PATJ: variants seen among roughly 807,000 people sequenced by gnomAD.
The protein encoded by PATJ is inaD-like protein.
A neutral mutation model predicts 224.9 loss-of-function variants in PATJ; 190 were observed. The ratio of observed to expected loss-of-function variants is 0.84; its 90% CI spans 0.75 to 0.95. The LOEUF (loss-of-function observed/expected upper bound fraction) is 0.95. Among genes scored for constraint, PATJ ranks in the 40% least tolerant of loss-of-function variants. The pLI, the probability that PATJ is intolerant of heterozygous loss-of-function variation, is 0.00. For synonymous variants in PATJ, 769 were observed against 820.3 expected, an observed-to-expected ratio of 0.94 and a Z score of 1.07; for missense variants, 2,121 against 2,270.3, an observed-to-expected ratio of 0.93 and a Z score of 1.34.
chr1:62,144,482 A>AG, intron 41 of PATJ, among the ~76,000 whole-genome samples: 1 of 152,264 alleles, frequency 6.6e-6, no homozygotes, highest in East Asian at 1.9e-4. Context: ...GCTGGCAGAC[A>AG]AAGTTCCCTC....
chr1:62,131,031 A>G (rs1413835680), intron 41 of PATJ, among the ~76,000 whole-genome samples: 1 of 152,192 alleles, frequency 6.6e-6, no homozygotes, highest in Non-Finnish European at 1.5e-5. Context: ...AAAATTTTAA[A>G]AGAAAGAAAA....
chr1:61,956,008 T>C (rs1680397001), intron 27 of PATJ, among the ~76,000 whole-genome samples: 1 of 152,212 alleles, frequency 6.6e-6, no homozygotes, highest in South Asian at 2.1e-4. Flanking sequence ...AAACCACATT[T>C]TAATATTGAA....
At chr1:61,745,343 A>G (rs2148129085) in intron 1 of PATJ, among the ~76,000 whole-genome samples, 1 of 149,838 alleles carries the variant, frequency 6.7e-6, no homozygotes, top group East Asian at 2.0e-4. Context: ...GGGTGATCTC[A>G]GCTCACTGCA....
intron 12 of PATJ, among the ~76,000 whole-genome samples, chr1:61,802,614 G>A (rs950316349): frequency 6.6e-6 from 1 of 151,934 alleles, no homozygotes; most frequent in Non-Finnish European, 1.5e-5. Context: ...ATAGATTATT[G>A]CTGTTTATAC....
chr1:61,939,135 A>G (rs1677366036), intron 27 of PATJ, among the ~76,000 whole-genome samples: 2 of 150,878 alleles, frequency 1.3e-5, no homozygotes, highest in South Asian at 4.2e-4. Context: ...AAAAAAAAAA[A>G]AAAAAAAAAA....
At chr1:61,990,458 T>A in intron 28 of PATJ, 94 bp downstream of exon 28, 1 of 735,018 alleles carries the variant, frequency 1.4e-6, no homozygotes, top group Non-Finnish European at 2.1e-6. Flanking sequence ...AAGAATGATG[T>A]CAAATTATAT....
At chr1:61,963,151 A>G (rs1175347875) in intron 27 of PATJ, among the ~76,000 whole-genome samples, 2 of 152,232 alleles carry the variant, frequency 1.3e-5, no homozygotes, top group African/African-American at 2.4e-5. Flanking sequence ...CTGGTAGGTT[A>G]AAGATCAGCA....
At chr1:61,915,837 C>T (rs529175182) in intron 26 of PATJ, among the ~76,000 whole-genome samples, 1 of 152,084 alleles carries the variant, frequency 6.6e-6, no homozygotes, top group Non-Finnish European at 1.5e-5. Context: ...GCTGGGATTA[C>T]AGGCATGTGC....
At chr1:61,797,977 T>C (rs1299203361) in intron 11 of PATJ, among the ~76,000 whole-genome samples, 2 of 152,066 alleles carry the variant, frequency 1.3e-5, no homozygotes, top group Non-Finnish European at 2.9e-5. Flanking sequence ...TAATTCTGTT[T>C]GTATCTTTAG....
chr1:61,773,693 A>G (rs1570403224), intron 6 of PATJ, among the ~76,000 whole-genome samples: 1 of 151,666 alleles, frequency 6.6e-6, no homozygotes, highest in Admixed American at 6.6e-5. Flanking sequence ...AGGCTGAAGC[A>G]GGAGAATTGC....
At chr1:61,785,150 G>A (rs1002821347) in intron 7 of PATJ, among the ~76,000 whole-genome samples, 1 of 152,112 alleles carries the variant, frequency 6.6e-6, no homozygotes, top group Non-Finnish European at 1.5e-5. Flanking sequence ...TTTAGCTTGC[G>A]GTGGTGCCAC....
intron 6 of PATJ, among the ~76,000 whole-genome samples, chr1:61,773,269 A>C (rs1646721196): frequency 6.6e-6 from 1 of 151,752 alleles, no homozygotes; most frequent in East Asian, 2.0e-4. Flanking sequence ...TGATCTGCCC[A>C]CCTCGGCTTC....
At chr1:62,098,072 C>T (rs1324424618) in intron 33 of PATJ, among the ~76,000 whole-genome samples, 1 of 152,008 alleles carries the variant, frequency 6.6e-6, no homozygotes, top group Non-Finnish European at 1.5e-5. Context: ...AGTTTGAGGC[C>T]AGGCTTGCTG....
At chr1:62,126,835 TTGTG>T (rs145858789) in intron 39 of PATJ, among the ~76,000 whole-genome samples, 2,269 of 151,376 alleles carry the variant, frequency 0.015, 30 homozygotes, top group Non-Finnish European at 0.024. Context: ...GCATAGGGTG[TTGTG>T]TGTGTGTGTG....
chr1:62,029,506 A>G (rs1371766450), intron 29 of PATJ, among the ~76,000 whole-genome samples: 2 of 152,232 alleles, frequency 1.3e-5, no homozygotes, highest in African/African-American at 2.4e-5. Flanking sequence ...TAACATGTTA[A>G]TGAAATCCCT....
chr1:61,855,725 T>C (rs1663549764), intron 17 of PATJ, among the ~76,000 whole-genome samples: 1 of 152,124 alleles, frequency 6.6e-6, no homozygotes, highest in African/African-American at 2.4e-5. Context: ...TTTAATTTTT[T>C]TAATTACAAA....
At chr1:62,029,191 A>G (rs1314019953) in intron 29 of PATJ, among the ~76,000 whole-genome samples, 2 of 152,188 alleles carry the variant, frequency 1.3e-5, no homozygotes, top group South Asian at 2.1e-4. Flanking sequence ...GAAATTCCCT[A>G]TGAATTTTAA....
At chr1:62,154,428 G>A (rs924623437) in intron 43 of PATJ, among the ~76,000 whole-genome samples, 1 of 151,898 alleles carries the variant, frequency 6.6e-6, no homozygotes, top group African/African-American at 2.4e-5. Flanking sequence ...CAACACTTTG[G>A]GAGCCTGAGG....
intron 17 of PATJ, among the ~76,000 whole-genome samples, chr1:61,844,376 T>C (rs61770142): frequency 0.12 from 18,997 of 152,258 alleles, 1,306 homozygotes; most frequent in South Asian, 0.25. Context: ...TGAAAAATCC[T>C]TTGAAAACTT....
Sources: allele counts gnomAD v4.1 joint callset (sites outside exome capture counted in the v4.1 genomes callset), GRCh38; gene constraint gnomAD v4.1.1; transcripts MANE v1.5; gene names NCBI Gene and HGNC (gene_info 2026-07-23, HGNC 2026-07-21).